Variants in PCGF6 observed in about 807,000 individuals in gnomAD.
The protein encoded by PCGF6 is polycomb group ring finger 6, also known as polycomb group RING finger protein 6.
A neutral mutation model predicts 45.5 loss-of-function variants in PCGF6; 24 were observed. The ratio of observed to expected loss-of-function variants is 0.53; its 90% CI spans 0.38 to 0.74. The LOEUF is 0.74. Ranked by LOEUF, PCGF6 falls within the 30% of genes least tolerant of loss-of-function variation. The pLI, the probability that PCGF6 is intolerant of heterozygous loss-of-function variation, is 0.00. For missense variants in PCGF6, 356 were observed against 443.2 expected, an observed-to-expected ratio of 0.80 and a Z score of 1.77; for synonymous variants, 152 against 162.1, an observed-to-expected ratio of 0.94 and a Z score of 0.47.
intron 8 of PCGF6, among the ~76,000 whole-genome samples, chr10:103,320,624 T>C (rs113966337): frequency 0.05 from 7,632 of 152,050 alleles, 644 homozygotes; most frequent in African/African-American, 0.17. Flanking sequence ...GAGGCGGAGG[T>C]TGCGGTGAGC....
chr10:103,339,805 AAAAAAACAC>A (rs1564733139), intron 6 of PCGF6, among the ~76,000 whole-genome samples: 10 of 41,152 alleles, frequency 2.4e-4, no homozygotes, highest in African/African-American at 6.2e-4. Flanking sequence ...CTGTCTCAAA[AAAAAAACAC>A]ACACACACAC....
chr10:103,329,254 G>T (rs2093230945), intron 7 of PCGF6, among the ~76,000 whole-genome samples: 1 of 147,888 alleles, frequency 6.8e-6, no homozygotes, highest in South Asian at 2.1e-4. Context: ...TGGTCAGGCT[G>T]GTCTCAAACT....
chr10:103,304,486 G>A (rs955086493), intron 9 of PCGF6, among the ~76,000 whole-genome samples: 2 of 151,740 alleles, frequency 1.3e-5, no homozygotes, highest in East Asian at 1.9e-4. Flanking sequence ...AATTACACGT[G>A]CGTGCTACCA....
chr10:103,323,632 G>A (rs2093205901), intron 8 of PCGF6, among the ~76,000 whole-genome samples: 2 of 150,886 alleles, frequency 1.3e-5, no homozygotes, highest in East Asian at 2.0e-4. Flanking sequence ...CCCTCTTGTC[G>A]CCCAGGTTGG....
chr10:103,330,487 TA>T (rs111668776), intron 7 of PCGF6, among the ~76,000 whole-genome samples: 2 of 151,708 alleles, frequency 1.3e-5, no homozygotes, highest in East Asian at 1.9e-4. Context: ...GCTTAGGTAT[TA>T]AAAAAAAATC....
In PCGF6 at chr10:103,351,109, C is replaced by A; in HGVS notation, c.-43G>T. The A allele has an allele frequency of 7.5e-7, 1 of 1,335,966 alleles. No individual in the cohort carries two copies. The highest frequency in any genetic ancestry group is 9.6e-7 in the Non-Finnish European group (1 of 1,043,172). The allele number at this position is 1,335,966 out of a possible 1,614,324, so 82.8% of individuals were successfully genotyped here. ...GGCGAGGCGAGGCGGCGGGAGAGCG[C>A]GGGAGTTCGGCCGGCCTCGGACGCC... On this transcript the variant is annotated 5_prime_UTR_variant, in exon 1 of 10. Transcript: ENST00000369847.
intron 9 of PCGF6, 117 bp from the exon 10 acceptor site, chr10:103,304,078 A>ATTTTTTTTT: frequency 1.3e-6 from 1 of 758,954 alleles, no homozygotes; most frequent in East Asian, 2.7e-5. Context: ...GAAATTCTTT[A>ATTTTTTTTT]ATTTAAAGAA....
At chr10:103,321,900 CT>C (rs778526068) in intron 8 of PCGF6, among the ~76,000 whole-genome samples, 188 of 144,418 alleles carry the variant, frequency 1.3e-3, no homozygotes, top group Non-Finnish European at 1.2e-3. Context: ...TTTCATTTCA[CT>C]TTTTTTTTTT....
chr10:103,349,739 C>T (rs2093314095), intron 1 of PCGF6, among the ~76,000 whole-genome samples: 3 of 149,222 alleles, frequency 2.0e-5, no homozygotes, highest in Admixed American at 6.6e-5. Flanking sequence ...TCCCAAAGTG[C>T]GGGGATTATA....
At chr10:103,333,785 T>G (rs1325998396) in intron 7 of PCGF6, 140 bp downstream of exon 7, 1 of 586,410 alleles carries the variant, frequency 1.7e-6, no homozygotes, top group African/African-American at 2.0e-5. Context: ...ATAACTTTTA[T>G]TCATAAATCT....
At chr10:103,323,348 G>A (rs1399786991) in intron 8 of PCGF6, among the ~76,000 whole-genome samples, 1 of 152,090 alleles carries the variant, frequency 6.6e-6, no homozygotes, top group African/African-American at 2.4e-5. Flanking sequence ...CCAGGCTGGA[G>A]TGCAGTGGCG....
chr10:103,346,699 G>A (rs1383441885), intron 5 of PCGF6, among the ~76,000 whole-genome samples: 1 of 152,206 alleles, frequency 6.6e-6, no homozygotes, highest in Non-Finnish European at 1.5e-5. Context: ...GGAGGCTGAG[G>A]CAGGAGAATT....
Position 103,310,198 on chromosome 10 carries a change from C to A in PCGF6, c.996+3988G>T, listed in dbSNP as rs544052297. ...AACTCCTGACCTTAGGTGATCCCCC[C>A]ACCTCGGCCTCTCAAAGTGCTGGGA... On this transcript the variant is annotated intron_variant, in intron 9 of 9. Coordinates refer to ENST00000369847, the MANE Select transcript of PCGF6 (RefSeq NM_001011663.2). Among the ~76,000 whole-genome samples the A allele has an allele frequency of 4.6e-5, 7 of 151,472 alleles. No homozygotes were observed. In the South Asian group the frequency reaches 8.3e-4, roughly 18 times the overall value.
intron 7 of PCGF6, among the ~76,000 whole-genome samples, chr10:103,331,459 T>C (rs749952645): frequency 8.5e-5 from 13 of 152,102 alleles, no homozygotes; most frequent in Non-Finnish European, 1.8e-4. Flanking sequence ...AGTTTTGGCA[T>C]GTTGGCCAGG....
chr10:103,326,665 G>T, intron 7 of PCGF6, 33 bp from the exon 8 acceptor site: 1 of 1,522,564 alleles, frequency 6.6e-7, no homozygotes, highest in South Asian at 1.2e-5. Context: ...CTATTTTTAG[G>T]TTAAATATAC....
Position 103,350,624 on chromosome 10 carries a change from C to G in PCGF6, c.360+83G>C, listed in dbSNP as rs554204317. 4.9e-4 allele frequency: 641 copies of G among 1,311,374 alleles called. No homozygotes were observed. The African/African-American group carries it at 7.9e-3, about 16-fold the overall frequency. 81.2% of individuals were successfully genotyped at this position (1,311,374 alleles called of 1,614,324 possible). ...CCGCGCGGCGGCGGCGCACTAGGAT[C>G]GGGCCGGCGCCCGGCAGACGAGGGC... On this transcript the variant is annotated intron_variant, in intron 1 of 9. Coordinates refer to ENST00000369847, the MANE Select transcript of PCGF6 (RefSeq NM_001011663.2).
chr10:103,347,137 T>A (rs1027057822), intron 5 of PCGF6, 101 bp downstream of exon 5: 2 of 857,586 alleles, frequency 2.3e-6, no homozygotes, highest in Admixed American at 2.3e-5. Flanking sequence ...ATCTCTCTGA[T>A]CATATAATAA....
intron 8 of PCGF6, among the ~76,000 whole-genome samples, chr10:103,325,129 A>G (rs1412121800): frequency 6.9e-6 from 1 of 144,292 alleles, no homozygotes; most frequent in Non-Finnish European, 1.5e-5. Context: ...AGTGGGACTC[A>G]GTCTCAAAAT....
chr10:103,350,516 A>G (rs1294976860), intron 1 of PCGF6, among the ~76,000 whole-genome samples, 191 bp downstream of exon 1: 1 of 152,206 alleles, frequency 6.6e-6, no homozygotes, highest in Non-Finnish European at 1.5e-5. Context: ...AAGCGGGTAA[A>G]GACCCAGGCC....
Sources: gnomAD v4.1 joint callset for allele counts (sites outside exome capture counted in the v4.1 genomes callset) on GRCh38, gnomAD v4.1.1 for gene constraint, MANE v1.5 for transcripts, NCBI Gene and HGNC (gene_info 2026-07-23, HGNC 2026-07-21) for gene names.